Variants in GPHN observed in about 807,000 individuals in gnomAD.
GPHN encodes gephyrin.
Under a neutral mutation model 95.5 loss-of-function variants are expected in GPHN, and 17 were observed. The ratio of observed to expected loss-of-function variants is 0.18; its 90% CI spans 0.12 to 0.27. GPHN has a LOEUF of 0.27. Among genes scored for constraint, GPHN ranks in the 10% least tolerant of loss-of-function variants. The pLI is 1.00. For missense variants in GPHN, 660 were observed against 978.1 expected, an observed-to-expected ratio of 0.67 and a Z score of 4.34; for synonymous variants, 320 against 322.5, an observed-to-expected ratio of 0.99 and a Z score of 0.08.
intron 11 of GPHN, among the ~76,000 whole-genome samples, chr14:67,074,575 G>A (rs1228680029): frequency 6.6e-6 from 1 of 152,072 alleles, no homozygotes; most frequent in Non-Finnish European, 1.5e-5. Context: ...AAGTATTCAA[G>A]TGAAAGGAAA....
intron 1 of GPHN, among the ~76,000 whole-genome samples, chr14:66,661,830 T>C (rs906516476): frequency 1.3e-5 from 2 of 152,140 alleles, no homozygotes; most frequent in African/African-American, 4.8e-5. Context: ...TTCTGTCCTG[T>C]GGGCTTTGGA....
chr14:66,660,876 G>C, intron 1 of GPHN, among the ~76,000 whole-genome samples: 1 of 152,160 alleles, frequency 6.6e-6, no homozygotes, highest in South Asian at 2.1e-4. Flanking sequence ...GAAGCAGTGA[G>C]TGAATATGTG....
At chr14:67,450,425 T>C in the GPHN span, among the ~76,000 whole-genome samples, 1 of 152,120 alleles carries the variant, frequency 6.6e-6, no homozygotes, top group Non-Finnish European at 1.5e-5. Flanking sequence ...GAGGGAAAGT[T>C]TGGAACTTCC....
chr14:67,371,251 A>G, the GPHN span, among the ~76,000 whole-genome samples: 2 of 152,020 alleles, frequency 1.3e-5, no homozygotes, highest in Non-Finnish European at 2.9e-5. Context: ...CCATCTCTAT[A>G]AAAATTTTAA....
At chr14:66,672,536 T>G (rs2066357118) in intron 1 of GPHN, among the ~76,000 whole-genome samples, 1 of 152,228 alleles carries the variant, frequency 6.6e-6, no homozygotes, top group Non-Finnish European at 1.5e-5. Context: ...GGGTTTCATC[T>G]ATTACTCCTT....
the GPHN span, among the ~76,000 whole-genome samples, chr14:67,406,087 C>T: frequency 2.0e-5 from 3 of 151,978 alleles, no homozygotes; most frequent in Non-Finnish European, 4.4e-5. Flanking sequence ...GGTTAAACCC[C>T]GTCTCTACTA....
rs188978563 is a variant in GPHN at position 67,147,449 on chromosome 14, G to C, written c.1836+4000G>C. On this transcript the variant is annotated intron_variant, in intron 18 of 22. Coordinates refer to ENST00000478722, the MANE Select transcript of GPHN (RefSeq NM_020806.5). ...TTCCATAACCAATAATATCAGAATA[G>C]AAGATAAGTGACATTCTCTTTTGAG... Among the ~76,000 whole-genome samples the C allele has an allele frequency of 2.1e-3, 321 of 152,314 alleles. 1 individual carries two copies. Among genetic ancestry groups the C allele is most frequent in the African/African-American group, 7.2e-3 (301 of 41,576 alleles).
chr14:67,711,323 A>G, the GPHN span, among the ~76,000 whole-genome samples: 1 of 152,238 alleles, frequency 6.6e-6, no homozygotes, highest in East Asian at 1.9e-4. Context: ...TTTGGCAGTA[A>G]TAAGTATGAA....
intron 1 of GPHN, among the ~76,000 whole-genome samples, chr14:66,667,076 A>G (rs1021178661): frequency 6.6e-6 from 1 of 152,224 alleles, no homozygotes; most frequent in Non-Finnish European, 1.5e-5. Flanking sequence ...AATATAGCTA[A>G]CAACAAAGCG....
At chr14:67,645,264 TC>T in the GPHN span, among the ~76,000 whole-genome samples, 1 of 152,016 alleles carries the variant, frequency 6.6e-6, no homozygotes, top group Non-Finnish European at 1.5e-5. Flanking sequence ...TCCTCTCACC[TC>T]AGTCCTCTGA....
At chr14:67,296,626 A>C in the GPHN span, among the ~76,000 whole-genome samples, 3 of 150,156 alleles carry the variant, frequency 2.0e-5, no homozygotes, top group African/African-American at 7.4e-5. Flanking sequence ...TGGTGTCTAG[A>C]TCCTGAAGGC....
chr14:67,732,638 G>A, the GPHN span, among the ~76,000 whole-genome samples: 146 of 151,750 alleles, frequency 9.6e-4, 1 homozygote, highest in African/African-American at 3.4e-3. Flanking sequence ...TTTCAGTGGC[G>A]TGATCTCCAC....
intron 1 of GPHN, among the ~76,000 whole-genome samples, chr14:66,557,425 A>G (rs1219658512): frequency 6.6e-6 from 1 of 152,186 alleles, no homozygotes; most frequent in African/African-American, 2.4e-5. Flanking sequence ...GTGAACATTC[A>G]GTGAGATACT....
Position 66,508,174 on chromosome 14 carries a change from T to C in GPHN, c.-354T>C. 1 of 477,808 alleles carries C rather than the reference T, an allele frequency of 2.1e-6. No individual in the cohort carries two copies. The highest frequency in any genetic ancestry group is 3.9e-6 in the Non-Finnish European group (1 of 259,590). 29.6% of individuals were successfully genotyped at this position (477,808 alleles called of 1,614,324 possible). On this transcript the variant is annotated 5_prime_UTR_variant, in exon 1 of 23. Transcript: ENST00000478722. ...TTTCCTCTCAGTCCTGCCATCTAGC[T>C]GCCTTGGGTCTCGCGCTCCGCAGAG...
chr14:67,109,657 T>A lies in GPHN; in HGVS notation c.1294-483T>A, dbSNP rs150192052. 2.6e-3 allele frequency among the ~76,000 whole-genome samples: 398 copies of A among 152,338 alleles called. 2 individuals are homozygous for A. Among genetic ancestry groups the A allele is most frequent in the African/African-American group, 9.0e-3 (376 of 41,580 alleles). On this transcript the variant is annotated intron_variant, in intron 13 of 22. Coordinates refer to ENST00000478722, the MANE Select transcript of GPHN (RefSeq NM_020806.5). ...TTTTCAAAGGCAATAATTAAAATAT[T>A]TCTGGCTTGCCTTTATTTAACCAAA...
intron 17 of GPHN, among the ~76,000 whole-genome samples, chr14:67,138,464 C>G (rs1316680909): frequency 6.6e-6 from 1 of 152,092 alleles, no homozygotes; most frequent in Non-Finnish European, 1.5e-5. Context: ...TTATATTATT[C>G]ATGATTATAA....
chr14:67,102,523 G>C (rs548203654), intron 13 of GPHN, among the ~76,000 whole-genome samples: 116 of 152,058 alleles, frequency 7.6e-4, no homozygotes, highest in African/African-American at 2.7e-3. Context: ...AGCCAGGCGT[G>C]GTGGCACATG....
At chr14:67,292,820 A>C in the GPHN span, 1 of 867,702 alleles carries the variant, frequency 1.2e-6, no homozygotes, top group Non-Finnish European at 1.8e-6. Flanking sequence ...GATTTGTTTG[A>C]ATTAATTACT....
At chr14:67,318,642 GTCA>G in the GPHN span, among the ~76,000 whole-genome samples, 2 of 138,184 alleles carry the variant, frequency 1.4e-5, no homozygotes, top group East Asian at 2.0e-4. Context: ...TTATGATGAT[GTCA>G]TCATCATGAA....
Sources: allele counts gnomAD v4.1 joint callset (sites outside exome capture counted in the v4.1 genomes callset), GRCh38; gene constraint gnomAD v4.1.1; transcripts MANE v1.5; gene names NCBI Gene and HGNC (gene_info 2026-07-23, HGNC 2026-07-21).